SIGLECL1: variants seen among roughly 807,000 people sequenced by gnomAD.
The protein encoded by SIGLECL1 is SIGLEC family-like protein 1.
In SIGLECL1, 16 loss-of-function variants were observed where a neutral mutation model predicts 19.1. The observed-to-expected ratio is 0.84, with a 90% CI of 0.57 to 1.27. SIGLECL1 has a LOEUF of 1.27. Ranked by LOEUF, SIGLECL1 falls within the 50% of genes most tolerant of loss-of-function variation. The pLI, the probability that SIGLECL1 is intolerant of heterozygous loss-of-function variation, is 0.00. For synonymous variants in SIGLECL1, 89 were observed against 90.4 expected (o/e 0.98, Z 0.09); for missense variants, 210 against 239.4 (o/e 0.88, Z 0.81).
Position 51,268,666 on chromosome 19 carries a change from T to C in SIGLECL1, c.*69T>C. 1 of 1,525,830 alleles carries C rather than the reference T, an allele frequency of 6.6e-7. No homozygotes were observed. Among genetic ancestry groups the C allele is most frequent in the East Asian group, 2.2e-5 (1 of 44,516 alleles). 94.5% of individuals were successfully genotyped at this position (1,525,830 alleles called of 1,614,324 possible). Reference sequence around the variant, plus strand: ...GAATTACAAAGATCTGCAAAATTTATAGCGCTCACAGAAACCCTGGAGGCT... The same window carrying C: ...GAATTACAAAGATCTGCAAAATTTACAGCGCTCACAGAAACCCTGGAGGCT... On this transcript the variant is annotated 3_prime_UTR_variant, in exon 6 of 6. Transcript: ENST00000601727.
intron 1 of SIGLECL1, among the ~76,000 whole-genome samples, chr19:51,262,702 T>C (rs761223319): frequency 6.6e-6 from 1 of 152,162 alleles, no homozygotes; most frequent in Non-Finnish European, 1.5e-5. Context: ...TGTATGGCTG[T>C]CCAGTTATTC....
At chr19:51,259,655 C>A (rs947988728) in intron 1 of SIGLECL1, among the ~76,000 whole-genome samples, 14 of 152,326 alleles carry the variant, frequency 9.2e-5, no homozygotes, top group African/African-American at 3.4e-4. Context: ...ATAATCCTGA[C>A]ACCTGAAATC....
intron 1 of SIGLECL1, among the ~76,000 whole-genome samples, chr19:51,259,057 A>T (rs1296051062): frequency 3.9e-5 from 6 of 152,244 alleles, no homozygotes; most frequent in Non-Finnish European, 8.8e-5. Context: ...CTGAAGACCC[A>T]AAGTCATATG....
chr19:51,261,771 A>G (rs749658088), intron 1 of SIGLECL1, among the ~76,000 whole-genome samples: 24 of 152,214 alleles, frequency 1.6e-4, no homozygotes, highest in Non-Finnish European at 3.5e-4. Flanking sequence ...ATCTAGGTAC[A>G]TGATTTCTAC....
chr19:51,268,095 G>A (rs987676984), intron 5 of SIGLECL1, among the ~76,000 whole-genome samples: 3 of 152,176 alleles, frequency 2.0e-5, no homozygotes, highest in Non-Finnish European at 2.9e-5. Context: ...AACAGTTGGT[G>A]TCCTTTTGTA....
At chr19:51,258,976 T>C (rs1983006059) in intron 1 of SIGLECL1, among the ~76,000 whole-genome samples, 1 of 152,168 alleles carries the variant, frequency 6.6e-6, no homozygotes, top group South Asian at 2.1e-4. Flanking sequence ...TCAGATCTCC[T>C]GAGGGGACGA....
chr19:51,250,723 T>C (rs1459131132), upstream of SIGLECL1, among the ~76,000 whole-genome samples: 3 of 151,968 alleles, frequency 2.0e-5, no homozygotes, highest in African/African-American at 4.8e-5. Flanking sequence ...GGGAAGAAAA[T>C]TGGCCCACAA....
At position 51,262,068 on chromosome 19, in the gene SIGLECL1, A is replaced by G. The variant is rs529256876; in HGVS notation, c.-190-1815A>G. Among the ~76,000 whole-genome samples, 7 of 152,290 alleles carry G rather than the reference A, an allele frequency of 4.6e-5. No individual in the cohort carries two copies. In the South Asian group the frequency reaches 1.2e-3, roughly 27 times the overall value. On this transcript the variant is annotated intron_variant, in intron 1 of 5. Transcript: ENST00000601727. ...ATGCAAGCACGTTGTATGTGTTGCA[A>G]GTATGTTCTCCAGCCCTGCAACTTG... is the stretch of plus-strand genomic sequence containing the variant.
At chr19:51,251,798 C>T (rs1256110565) in intron 1 of SIGLECL1, among the ~76,000 whole-genome samples, 1 of 152,166 alleles carries the variant, frequency 6.6e-6, no homozygotes, top group Non-Finnish European at 1.5e-5. Flanking sequence ...CCTAGAAAAT[C>T]GTTTTCCTCA....
chr19:51,263,087 C>T (rs778403816), intron 1 of SIGLECL1, among the ~76,000 whole-genome samples: 35 of 152,002 alleles, frequency 2.3e-4, no homozygotes, highest in Non-Finnish European at 1.5e-5. Flanking sequence ...TTTGTAGAAA[C>T]GGGGTTTTAC....
At chr19:51,248,642 G>T (rs1029918347), upstream of SIGLECL1, among the ~76,000 whole-genome samples, 3 of 152,164 alleles carry the variant, frequency 2.0e-5, no homozygotes, top group East Asian at 3.9e-4. Context: ...AAATTTTAAA[G>T]AATTTATTTG....
chr19:51,259,144 C>CT (rs1983023748), intron 1 of SIGLECL1, among the ~76,000 whole-genome samples: 5 of 760 alleles, frequency 6.6e-3, no homozygotes, highest in East Asian at 0.028. Flanking sequence ...TACCTGCATT[C>CT]CAAAAGGTTG....
At chr19:51,259,145 C>CA (rs5828465) in intron 1 of SIGLECL1, among the ~76,000 whole-genome samples, 152,285 of 152,290 alleles carry the variant, frequency 1, 76,140 homozygotes, top group Middle Eastern at 1. Context: ...ACCTGCATTC[C>CA]AAAAGGTTGG....
intron 1 of SIGLECL1, 48 bp downstream of exon 1, chr19:51,251,593 G>A (rs1982486838): frequency 6.6e-6 from 1 of 151,036 alleles, no homozygotes; most frequent in African/African-American, 2.5e-5. Flanking sequence ...GCCCTTATGA[G>A]TCAACGGTTA....
chr19:51,247,399 A>G (rs2123358441), upstream of SIGLECL1, among the ~76,000 whole-genome samples: 1 of 151,380 alleles, frequency 6.6e-6, no homozygotes, highest in Non-Finnish European at 1.5e-5. Flanking sequence ...CAAGTTCACT[A>G]CGAAAACCAC....
chr19:51,250,165 C>A (rs1170505503), upstream of SIGLECL1, among the ~76,000 whole-genome samples: 1 of 151,860 alleles, frequency 6.6e-6, no homozygotes, highest in East Asian at 1.9e-4. Context: ...CGGCTCACTG[C>A]AACTTCCACC....
chr19:51,256,604 G>T (rs1167586850), intron 1 of SIGLECL1, among the ~76,000 whole-genome samples: 1 of 152,162 alleles, frequency 6.6e-6, no homozygotes, highest in Non-Finnish European at 1.5e-5. Flanking sequence ...GCACCATGGT[G>T]ACTATGGTAA....
chr19:51,261,787 C>G (rs1240499312), intron 1 of SIGLECL1, among the ~76,000 whole-genome samples: 1 of 152,114 alleles, frequency 6.6e-6, no homozygotes, highest in Non-Finnish European at 1.5e-5. Flanking sequence ...TCTACTTGTC[C>G]CAACCGTTCT....
At chr19:51,253,975 G>T (rs1347641205) in intron 1 of SIGLECL1, among the ~76,000 whole-genome samples, 1 of 152,090 alleles carries the variant, frequency 6.6e-6, no homozygotes, top group Non-Finnish European at 1.5e-5. Context: ...TTTCTCATTA[G>T]ATGTTAACCA....
Sources: gnomAD v4.1 joint callset for allele counts (sites outside exome capture counted in the v4.1 genomes callset) on GRCh38, gnomAD v4.1.1 for gene constraint, MANE v1.5 for transcripts, NCBI Gene and HGNC (gene_info 2026-07-23, HGNC 2026-07-21) for gene names.